The following EXOC1 variants were observed in gnomAD, a reference collection of about 807,000 sequenced individuals.
The protein encoded by EXOC1 is SEC3-like 1.
In EXOC1, 67 loss-of-function variants were observed where a neutral mutation model predicts 107.7. The observed-to-expected ratio is 0.62, with a 90% CI of 0.51 to 0.76. The LOEUF (loss-of-function observed/expected upper bound fraction) is 0.76, where lower values mean the gene tolerates loss of function less well. EXOC1 is among the 30% of genes least tolerant of loss of function. EXOC1 has a pLI of 0.00. For synonymous variants in EXOC1, 348 were observed against 353.5 expected (o/e 0.98, Z 0.17); for missense variants, 833 against 1,055.7 (o/e 0.79, Z 2.92).
chr4:55,902,235 C>T, intron 17 of EXOC1, 109 bp from the exon 18 acceptor site: 2 of 753,882 alleles, frequency 2.7e-6, no homozygotes, highest in Non-Finnish European at 1.9e-6. Flanking sequence ...TATACTTTCA[C>T]ACACTGATTT....
At chr4:55,855,268 G>T (rs1560324347) in intron 1 of EXOC1, among the ~76,000 whole-genome samples, 3 of 152,184 alleles carry the variant, frequency 2.0e-5, no homozygotes, top group African/African-American at 7.2e-5. Context: ...ATGAACCTGG[G>T]TCAGTATATT....
At chr4:55,859,613 A>G (rs537490931) in intron 2 of EXOC1, among the ~76,000 whole-genome samples, 1 of 152,254 alleles carries the variant, frequency 6.6e-6, no homozygotes, top group African/African-American at 2.4e-5. Flanking sequence ...AGTTAGGACT[A>G]TCAATACAGT....
chr4:55,879,426 G>T (rs758407867), intron 9 of EXOC1, among the ~76,000 whole-genome samples: 5 of 152,162 alleles, frequency 3.3e-5, no homozygotes, highest in Non-Finnish European at 5.9e-5. Context: ...AGAGCAGGGA[G>T]GCCAGTGTGG....
Position 55,871,108 on chromosome 4 carries a change from T to G in EXOC1, c.839T>G (p.Met280Arg), listed in dbSNP as rs368504673. The G allele has an allele frequency of 9.9e-6, 16 of 1,613,596 alleles. No homozygotes were observed. The highest frequency in any genetic ancestry group is 1.2e-5 in the Non-Finnish European group (14 of 1,179,822). The change falls in exon 7 of 19, where the codon ATG becomes AGG. Residue 280 changes from methionine to arginine, a missense_variant. By Grantham distance (91) the Met-to-Arg change is moderately conservative. Coordinates refer to ENST00000381295, the MANE Select transcript of EXOC1 (RefSeq NM_001024924.2). Reference sequence around the variant, plus strand: ...TGTTTGCATATATTCTAGAACCACATGGACTTGGCCAAAGGTCATATAAAG... The same window carrying G: ...TGTTTGCATATATTCTAGAACCACAGGGACTTGGCCAAAGGTCATATAAAG... ...LSEIEFLVNH[M>R]DLAKGHIKAL...
intron 1 of EXOC1, among the ~76,000 whole-genome samples, chr4:55,856,100 T>C (rs1720943098): frequency 6.6e-6 from 1 of 152,158 alleles, no homozygotes; most frequent in Admixed American, 6.5e-5. Flanking sequence ...AATCATCAAA[T>C]GAGGGATTAA....
Position 55,871,144 on chromosome 4 carries a change from A to G in EXOC1, c.875A>G (p.Glu292Gly). ...AAAGGTCATATAAAGGCCCTTCAGG[A>G]AGGAGATCTTGCTTCTTCCAGAGGC... Reference protein sequence around the residue: ...LAKGHIKALQEGDLASSRGIE... With the variant: ...LAKGHIKALQGGDLASSRGIE... The change falls in exon 7 of 19, where the codon GAA becomes GGA. Residue 292 changes from glutamate (E) to glycine (G), a missense_variant. Around this residue, in one of 2 missense-constraint regions of EXOC1, gnomAD observed 617 missense variants for 701.3 expected, o/e 0.88. Coordinates refer to ENST00000381295, the MANE Select transcript of EXOC1 (RefSeq NM_001024924.2). 1 of 1,613,918 alleles carries G rather than the reference A, an allele frequency of 6.2e-7. No homozygotes were observed. The highest frequency in any genetic ancestry group is 8.5e-7 in the Non-Finnish European group (1 of 1,179,902).
chr4:55,888,070 T>G (rs764453743), intron 10 of EXOC1, among the ~76,000 whole-genome samples: 4 of 152,244 alleles, frequency 2.6e-5, no homozygotes, highest in Non-Finnish European at 4.4e-5. Context: ...TTCTTTAACA[T>G]TCTGTTTCAT....
At chr4:55,876,581 T>C (rs1722912776) in intron 8 of EXOC1, 1 of 984,720 alleles carries the variant, frequency 1.0e-6, no homozygotes, top group Admixed American at 6.2e-5. Context: ...AAAGGGATTA[T>C]GGACCTATTA....
intron 4 of EXOC1, 138 bp from the exon 5 acceptor site, chr4:55,868,198 A>G (rs2110329859): frequency 4.0e-6 from 2 of 500,352 alleles, no homozygotes; most frequent in Non-Finnish European, 6.4e-6. Context: ...TGATTTTTTC[A>G]TATCATTTGA....
chr4:55,887,273 G>GT (rs1723981214), intron 10 of EXOC1, among the ~76,000 whole-genome samples: 1 of 151,654 alleles, frequency 6.6e-6, no homozygotes, highest in South Asian at 2.1e-4. Flanking sequence ...TTCTATTATT[G>GT]TTTCTCCGCT....
At chr4:55,863,999 A>G (rs1188313032) in intron 3 of EXOC1, among the ~76,000 whole-genome samples, 2 of 152,256 alleles carry the variant, frequency 1.3e-5, no homozygotes, top group Admixed American at 1.3e-4. Context: ...CCTAAAGGGC[A>G]TAGGAAGAAA....
chr4:55,865,009 G>C (rs1221167186), intron 4 of EXOC1, among the ~76,000 whole-genome samples: 1 of 152,112 alleles, frequency 6.6e-6, no homozygotes, highest in Non-Finnish European at 1.5e-5. Flanking sequence ...CTATGTTTCA[G>C]TTTCCCTTAT....
chr4:55,876,967 G>A (rs1250530796), intron 8 of EXOC1: 1 of 985,148 alleles, frequency 1.0e-6, no homozygotes, highest in Non-Finnish European at 1.2e-6. Flanking sequence ...TTCTTTCTCA[G>A]TTACCAAGGA....
chr4:55,860,931 G>T (rs1015306878), intron 3 of EXOC1, among the ~76,000 whole-genome samples: 5 of 149,698 alleles, frequency 3.3e-5, no homozygotes, highest in Non-Finnish European at 4.4e-5. Flanking sequence ...GCCTTTTGAG[G>T]CCACCATGGC....
intron 8 of EXOC1, 122 bp from the exon 9 acceptor site, chr4:55,877,790 ATTCTT>A (rs1234757917): frequency 6.8e-6 from 10 of 1,468,834 alleles, no homozygotes; most frequent in African/African-American, 5.7e-5. Context: ...TCTGTGTTCT[ATTCTT>A]AATTATTTTT....
Position 55,897,001 on chromosome 4 carries a change from A to G in EXOC1, c.2137+101A>G, listed in dbSNP as rs1020458181. 4 of 974,452 alleles carry G rather than the reference A, an allele frequency of 4.1e-6. No homozygotes were observed. In the African/African-American group the frequency reaches 6.9e-5, roughly 17 times the overall value. The allele number at this position is 974,452 out of a possible 1,614,324, so 60.4% of individuals were successfully genotyped here. A position where few individuals can be genotyped will look rare whatever the true frequency, so the allele number is the denominator to read the frequency against. On this transcript the variant is annotated intron_variant, in intron 16 of 18. Coordinates refer to ENST00000381295, the MANE Select transcript of EXOC1 (RefSeq NM_001024924.2). ...ATAGGTTCATTATTTTGTATATCTT[A>G]TAATCTTTTTTAGGTTTTCTAACAT...
rs773753744 is a variant in EXOC1, at chr4:55,876,903, G to C, written c.1075-1014G>C. ...TGATTTGAAAACATTTATGAAGAAG[G>C]GACATGGATAATGATGTGGGTTTTT... On this transcript the variant is annotated intron_variant, in intron 8 of 18. Coordinates refer to ENST00000381295, the MANE Select transcript of EXOC1 (RefSeq NM_001024924.2). 51 of 985,176 alleles carry C rather than the reference G, an allele frequency of 5.2e-5. No homozygotes were observed. In the Middle Eastern group the frequency reaches 4.2e-3, roughly 81 times the overall value. The allele number at this position is 985,176 out of a possible 1,614,324, so 61.0% of individuals were successfully genotyped here. A position where few individuals can be genotyped will look rare whatever the true frequency, so the allele number is the denominator to read the frequency against.
chr4:55,893,388 G>A (rs1724813112), intron 14 of EXOC1, among the ~76,000 whole-genome samples, 164 bp from the exon 15 acceptor site: 1 of 152,176 alleles, frequency 6.6e-6, no homozygotes, highest in Non-Finnish European at 1.5e-5. Context: ...TCAAAGTGCT[G>A]GGATTACAGG....
chr4:55,902,664 T>C, intron 18 of EXOC1, 126 bp downstream of exon 18: 1 of 623,732 alleles, frequency 1.6e-6, no homozygotes. Flanking sequence ...ACAGACCAGA[T>C]TAATGAATTG....
Sources: gnomAD v4.1 joint callset for allele counts (sites outside exome capture counted in the v4.1 genomes callset) on GRCh38, gnomAD v4.1.1 for gene constraint, gnomAD v4.1.1 regional missense constraint, MANE v1.5 for transcripts, NCBI Gene and HGNC (gene_info 2026-07-23, HGNC 2026-07-21) for gene names.